CMSS1: variants seen among roughly 807,000 people sequenced by gnomAD.
CMSS1 encodes protein CMSS1.
CMSS1 carries 33 observed loss-of-function variants against 43.5 expected under a neutral mutation model. That is an observed-to-expected ratio of 0.76 (90% CI 0.57 to 1.01). The LOEUF (loss-of-function observed/expected upper bound fraction) is 1.01. Among genes scored for constraint, CMSS1 ranks in the 50% least tolerant of loss-of-function variants. The pLI is 0.00. For missense variants in CMSS1, 313 were observed against 326.4 expected (o/e 0.96, Z 0.32); for synonymous variants, 115 against 117.2 (o/e 0.98, Z 0.12).
chr3:100,119,402 C>T (rs1420844769), intron 1 of CMSS1, among the ~76,000 whole-genome samples: 1 of 152,180 alleles, frequency 6.6e-6, no homozygotes, highest in Non-Finnish European at 1.5e-5. Flanking sequence ...ATCATGTAAC[C>T]CTCATAGTGC....
intron 1 of CMSS1, among the ~76,000 whole-genome samples, chr3:100,075,060 TA>T (rs34355464): frequency 0.19 from 28,746 of 152,078 alleles, 3,014 homozygotes; most frequent in South Asian, 0.25. Flanking sequence ...TAATTGCTTA[TA>T]TTTTTTTAGG....
At position 100,136,670 on chromosome 3, in the gene CMSS1, G is replaced by A. The variant is rs1051989570; in HGVS notation, c.65-10303G>A. 4.6e-5 allele frequency among the ~76,000 whole-genome samples: 7 copies of A among 152,188 alleles called. No homozygotes were observed. In the South Asian group the frequency reaches 1.4e-3, roughly 31 times the overall value. ...ACAGAGGAGGGAAAACCTGAGCTGA[G>A]GTTTAGAGGGTAGGGGTGAGATTTT... On this transcript the variant is annotated intron_variant, in intron 1 of 9. Transcript: ENST00000421999.
At chr3:100,108,451 G>C (rs1046654463) in intron 1 of CMSS1, among the ~76,000 whole-genome samples, 3 of 152,302 alleles carry the variant, frequency 2.0e-5, no homozygotes, top group African/African-American at 7.2e-5. Context: ...TGAGGCTTTA[G>C]AGGGTAACTT....
chr3:99,952,173 T>A (rs981373288), intron 1 of CMSS1, among the ~76,000 whole-genome samples: 1 of 152,092 alleles, frequency 6.6e-6, no homozygotes, highest in Non-Finnish European at 1.5e-5. Flanking sequence ...TGTGTTTTTT[T>A]TTTTCGTTGA....
chr3:100,006,436 G>T (rs1709988103), intron 1 of CMSS1, among the ~76,000 whole-genome samples: 1 of 151,928 alleles, frequency 6.6e-6, no homozygotes, highest in South Asian at 2.1e-4. Flanking sequence ...CCCACAAATG[G>T]ATAAATTTGG....
intron 1 of CMSS1, among the ~76,000 whole-genome samples, chr3:99,839,203 G>A (rs1943024689): frequency 1.3e-5 from 2 of 152,072 alleles, no homozygotes; most frequent in African/African-American, 2.4e-5. Flanking sequence ...CTAAAATCCT[G>A]TAGTACTTAC....
At chr3:100,012,389 C>T (rs1046796523) in intron 1 of CMSS1, among the ~76,000 whole-genome samples, 3 of 152,038 alleles carry the variant, frequency 2.0e-5, no homozygotes, top group East Asian at 1.9e-4. Flanking sequence ...AAGCCCAAAA[C>T]GAAACAAAAT....
intron 6 of CMSS1, among the ~76,000 whole-genome samples, chr3:100,171,536 AG>A (rs1301928648): frequency 6.6e-6 from 1 of 152,206 alleles, no homozygotes; most frequent in Admixed American, 6.5e-5. Context: ...CCTGAAATAC[AG>A]GAATTCTGTA....
Position 100,178,924 on chromosome 3 carries a change from G to GT in CMSS1, c.*539dup, listed in dbSNP as rs2067168708. 6.5e-6 allele frequency: 1 copy of GT among 154,312 alleles called. No individual in the cohort carries two copies. The highest frequency in any genetic ancestry group is 1.4e-5 in the Non-Finnish European group (1 of 69,486). 9.6% of individuals were successfully genotyped at this position (154,312 alleles called of 1,614,324 possible). On this transcript the variant is annotated 3_prime_UTR_variant, in exon 10 of 10. Coordinates refer to ENST00000421999, the MANE Select transcript of CMSS1 (RefSeq NM_032359.4). ...AGAAAAGAGGTTTAATTGACTCACA[G>GT]TTTCACAGGCTGTACAGGAGGCATG...
chr3:99,952,680 C>G (rs772738800), intron 1 of CMSS1, among the ~76,000 whole-genome samples: 16 of 152,238 alleles, frequency 1.1e-4, no homozygotes, highest in Non-Finnish European at 2.1e-4. Flanking sequence ...TGAATTTCCT[C>G]TTTCTACCCT....
chr3:99,985,506 A>C (rs1403131983), intron 1 of CMSS1, among the ~76,000 whole-genome samples: 1 of 152,210 alleles, frequency 6.6e-6, no homozygotes, highest in Non-Finnish European at 1.5e-5. Flanking sequence ...TCAAAAAAAC[A>C]AGGTGAGCTT....
At chr3:99,996,690 G>A (rs74840152) in intron 1 of CMSS1, among the ~76,000 whole-genome samples, 1 of 152,134 alleles carries the variant, frequency 6.6e-6, no homozygotes, top group South Asian at 2.1e-4. Flanking sequence ...ACATGGGGGT[G>A]GCAAGAGAAA....
intron 2 of CMSS1, among the ~76,000 whole-genome samples, chr3:100,151,373 G>A (rs899167012): frequency 6.6e-6 from 1 of 152,150 alleles, no homozygotes; most frequent in Non-Finnish European, 1.5e-5. Flanking sequence ...TGCTTCTCTT[G>A]TCAGGTACCA....
chr3:100,174,173 G>GA (rs1353718908), intron 8 of CMSS1, among the ~76,000 whole-genome samples: 1 of 152,144 alleles, frequency 6.6e-6, no homozygotes, highest in African/African-American at 2.4e-5. Flanking sequence ...TATGGCATTT[G>GA]AAAGTTAAGG....
rs897686337 is a variant in CMSS1, at chr3:99,825,775, CTTTTTTTTTTTTTT to C, written c.64+7738_64+7751del. Among the ~76,000 whole-genome samples the C allele has an allele frequency of 2.5e-5, 3 of 121,612 alleles. No homozygotes were observed. In the South Asian group the frequency reaches 8.1e-4, roughly 33 times the overall value. The allele number at this position is 121,612 out of a possible 152,430, so 79.8% of individuals were successfully genotyped here. On this transcript the variant is annotated intron_variant, in intron 1 of 9. Transcript: ENST00000421999. The stretch of plus-strand genomic sequence containing the variant: ...AATCTTTTTTTCTTTTTTTCTTTTT[CTTTTTTTTTTTTTT>C]TTTTTGAGACAGAGTTTTGCTCTTG...
At chr3:100,077,286 A>G (rs2065864912) in intron 1 of CMSS1, among the ~76,000 whole-genome samples, 1 of 152,242 alleles carries the variant, frequency 6.6e-6, no homozygotes, top group Admixed American at 6.5e-5. Flanking sequence ...TCAGTGATGC[A>G]TGGTGTTCTT....
intron 1 of CMSS1, among the ~76,000 whole-genome samples, chr3:100,110,610 G>C (rs1402069841): frequency 6.6e-6 from 1 of 152,134 alleles, no homozygotes; most frequent in African/African-American, 2.4e-5. Flanking sequence ...GTATTTGCTT[G>C]GTCATAGCTA....
At chr3:99,987,409 A>G (rs553819242) in intron 1 of CMSS1, among the ~76,000 whole-genome samples, 2 of 151,582 alleles carry the variant, frequency 1.3e-5, no homozygotes, top group African/African-American at 4.8e-5. Context: ...TACACCTGTT[A>G]TCTCAGCTAC....
At chr3:100,144,113 T>C (rs1462405745) in intron 1 of CMSS1, among the ~76,000 whole-genome samples, 1 of 152,206 alleles carries the variant, frequency 6.6e-6, no homozygotes, top group South Asian at 2.1e-4. Flanking sequence ...TTTTTTTCTT[T>C]TGTTTGATCA....
Sources: allele counts gnomAD v4.1 joint callset (sites outside exome capture counted in the v4.1 genomes callset), GRCh38; gene constraint gnomAD v4.1.1; transcripts MANE v1.5; gene names NCBI Gene and HGNC (gene_info 2026-07-23, HGNC 2026-07-21).